CCSER1: variants seen among roughly 807,000 people sequenced by gnomAD.
CCSER1 encodes serine-rich coiled-coil domain-containing protein 1.
In CCSER1, 41 loss-of-function variants were observed where a neutral mutation model predicts 82.0. The ratio of observed to expected loss-of-function variants is 0.50; its 90% CI spans 0.39 to 0.65. The LOEUF (loss-of-function observed/expected upper bound fraction) is 0.65, where lower values mean the gene tolerates loss of function less well. CCSER1 is among the 30% of genes least tolerant of loss of function. The probability of loss-of-function intolerance (pLI) is 0.00; values close to 1 mark genes in which losing one functional copy is unlikely to be tolerated. For missense variants in CCSER1, 1,119 were observed against 1,064.2 expected (o/e 1.05, Z -0.72); for synonymous variants, 414 against 383.9 (o/e 1.08, Z -0.92).
At chr4:90,745,219 G>A (rs1187487181) in intron 7 of CCSER1, among the ~76,000 whole-genome samples, 2 of 152,160 alleles carry the variant, frequency 1.3e-5, no homozygotes, top group Middle Eastern at 3.4e-3. Flanking sequence ...GCATTACTGG[G>A]CTTTGTAGAC....
chr4:90,470,377 G>GA (rs1051175610), intron 5 of CCSER1, among the ~76,000 whole-genome samples: 3 of 152,116 alleles, frequency 2.0e-5, no homozygotes, highest in Non-Finnish European at 4.4e-5. Context: ...AGAATTAAAA[G>GA]ATAGGTGTGA....
intron 8 of CCSER1, among the ~76,000 whole-genome samples, chr4:90,891,559 A>G (rs535037695): frequency 2.3e-4 from 35 of 152,134 alleles, no homozygotes; most frequent in Non-Finnish European, 4.7e-4. Flanking sequence ...GATCAGCTGA[A>G]TGATATAAAT....
chr4:90,609,587 A>T (rs1209324321), intron 5 of CCSER1, among the ~76,000 whole-genome samples: 1 of 152,204 alleles, frequency 6.6e-6, no homozygotes, highest in East Asian at 1.9e-4. Flanking sequence ...TTTAGAAGGA[A>T]AACTATAGAG....
chr4:91,474,372 A>C (rs1674131228), intron 10 of CCSER1, among the ~76,000 whole-genome samples: 1 of 151,928 alleles, frequency 6.6e-6, no homozygotes, highest in African/African-American at 2.4e-5. Flanking sequence ...TTGTGTTACA[A>C]TTATATAATT....
rs150918227 is a variant in CCSER1 at position 90,634,111 on chromosome 4, T to C, written c.1932+5879T>C. On this transcript the variant is annotated intron_variant, in intron 6 of 10. Coordinates refer to ENST00000509176, the MANE Select transcript of CCSER1 (RefSeq NM_001145065.2). ...TGTTTAATATCTACAGAGGTGGGTT[T>C]TGTTTTAATGCTTCCTTTTAGTTTG... Among the ~76,000 whole-genome samples, 28 of 151,870 alleles carry C rather than the reference T, an allele frequency of 1.8e-4. No individual in the cohort carries two copies. In the East Asian group the frequency reaches 3.7e-3, roughly 20 times the overall value.
intron 10 of CCSER1, among the ~76,000 whole-genome samples, chr4:91,480,519 C>T (rs941643482): frequency 3.9e-5 from 6 of 152,216 alleles, no homozygotes; most frequent in African/African-American, 1.4e-4. Flanking sequence ...GTATGGCAAA[C>T]CTGAATGTCA....
intron 10 of CCSER1, among the ~76,000 whole-genome samples, chr4:91,295,666 A>G (rs1744102858): frequency 6.6e-6 from 1 of 151,924 alleles, no homozygotes; most frequent in Admixed American, 6.6e-5. Flanking sequence ...ATATTGCATA[A>G]TGCATACAAA....
intron 1 of CCSER1, among the ~76,000 whole-genome samples, chr4:90,142,548 A>C (rs1392824459): frequency 6.6e-6 from 1 of 152,172 alleles, no homozygotes; most frequent in Non-Finnish European, 1.5e-5. Context: ...TTGCCAAATA[A>C]CTACAGCTGA....
chr4:90,369,918 A>G (rs1747078980), intron 3 of CCSER1, among the ~76,000 whole-genome samples: 1 of 152,124 alleles, frequency 6.6e-6, no homozygotes, highest in South Asian at 2.1e-4. Context: ...AGTTTATTAG[A>G]TGAAAATAAA....
At chr4:91,015,685 C>G (rs1346685020) in intron 9 of CCSER1, among the ~76,000 whole-genome samples, 1 of 151,538 alleles carries the variant, frequency 6.6e-6, no homozygotes, top group Non-Finnish European at 1.5e-5. Flanking sequence ...AACATATTAG[C>G]AATTTGCTAT....
chr4:90,641,987 C>A, intron 6 of CCSER1: 1 of 331,300 alleles, frequency 3.0e-6, no homozygotes, highest in Non-Finnish European at 6.8e-6. Context: ...AAACAACTCA[C>A]ATACTTTTGT....
At chr4:90,242,822 C>T (rs1720618654) in intron 1 of CCSER1, among the ~76,000 whole-genome samples, 1 of 152,168 alleles carries the variant, frequency 6.6e-6, no homozygotes, top group South Asian at 2.1e-4. Context: ...CAAGTTCAAA[C>T]ACCACAAGGG....
chr4:90,776,665 A>G (rs1203501768), intron 7 of CCSER1, among the ~76,000 whole-genome samples: 5 of 152,228 alleles, frequency 3.3e-5, no homozygotes, highest in African/African-American at 9.6e-5. Context: ...AATTATTTAC[A>G]TGTATTAACA....
chr4:90,274,835 A>G (rs1727241420), intron 1 of CCSER1, among the ~76,000 whole-genome samples: 1 of 152,154 alleles, frequency 6.6e-6, no homozygotes, highest in South Asian at 2.1e-4. Flanking sequence ...TACATTAAAC[A>G]TATCAAAAGG....
intron 1 of CCSER1, among the ~76,000 whole-genome samples, chr4:90,192,658 A>G (rs561260387): frequency 3.3e-5 from 5 of 152,208 alleles, no homozygotes; most frequent in Non-Finnish European, 7.4e-5. Flanking sequence ...TTCCTGGCCC[A>G]TAACCGTTAA....
At chr4:90,550,893 G>A (rs1448818805) in intron 5 of CCSER1, among the ~76,000 whole-genome samples, 3 of 152,100 alleles carry the variant, frequency 2.0e-5, no homozygotes, top group African/African-American at 7.2e-5. Flanking sequence ...TGTTAACATC[G>A]TTCTAGTTGC....
intron 9 of CCSER1, among the ~76,000 whole-genome samples, chr4:90,986,764 A>G (rs1450319307): frequency 3.3e-5 from 5 of 151,816 alleles, no homozygotes; most frequent in Non-Finnish European, 7.4e-5. Flanking sequence ...GTTTCAAGGG[A>G]AAAACCATAA....
intron 8 of CCSER1, among the ~76,000 whole-genome samples, chr4:90,838,577 C>A (rs1312978303): frequency 6.6e-6 from 1 of 151,296 alleles, no homozygotes; most frequent in Non-Finnish European, 1.5e-5. Flanking sequence ...AAATGGCACT[C>A]TGATTAAACT....
intron 10 of CCSER1, among the ~76,000 whole-genome samples, chr4:91,357,876 GCC>G (rs71596562): frequency 2.5e-3 from 150 of 60,082 alleles, no homozygotes; most frequent in African/African-American, 6.5e-3. Flanking sequence ...AATTCTGCCT[GCC>G]CCCCCCCCCT....
Sources: gnomAD v4.1 joint callset for allele counts (sites outside exome capture counted in the v4.1 genomes callset) on GRCh38, gnomAD v4.1.1 for gene constraint, MANE v1.5 for transcripts, NCBI Gene and HGNC (gene_info 2026-07-23, HGNC 2026-07-21) for gene names.